Variants in CALD1 observed in about 807,000 individuals in gnomAD.
CALD1 encodes caldesmon.
Under a neutral mutation model 99.9 loss-of-function variants are expected in CALD1, and 33 were observed. The observed-to-expected ratio is 0.33, with a 90% CI of 0.25 to 0.44. The LOEUF (loss-of-function observed/expected upper bound fraction) is 0.44, where lower values mean the gene tolerates loss of function less well. Ranked by LOEUF, CALD1 falls within the 20% of genes least tolerant of loss-of-function variation. The pLI, the probability that CALD1 is intolerant of heterozygous loss-of-function variation, is 1.00. For missense variants in CALD1, 861 were observed against 962.1 expected (o/e 0.89, Z 1.39); for synonymous variants, 310 against 325.0 (o/e 0.95, Z 0.50).
intron 1 of CALD1, among the ~76,000 whole-genome samples, chr7:134,765,374 C>T (rs538024218): frequency 1.3e-5 from 2 of 151,422 alleles, no homozygotes; most frequent in Admixed American, 1.3e-4. Context: ...TTTGTTATCA[C>T]AAGAGCTAAT....
chr7:134,895,094 GAAATAAATAAATAAATAAAT>G (rs199802906), intron 3 of CALD1, among the ~76,000 whole-genome samples: 2 of 143,042 alleles, frequency 1.4e-5, no homozygotes, highest in African/African-American at 2.6e-5. Flanking sequence ...ACAGTGCTGG[GAAATAAATAAATAAATAAAT>G]AAATAAATAA....
intron 3 of CALD1, among the ~76,000 whole-genome samples, chr7:134,886,607 G>C (rs1645469929): frequency 6.6e-6 from 1 of 152,216 alleles, no homozygotes; most frequent in African/African-American, 2.4e-5. Context: ...ATATTAAAAG[G>C]ATGGAAAATA....
the CALD1 span, among the ~76,000 whole-genome samples, chr7:134,727,645 T>C: frequency 2.0e-5 from 3 of 152,206 alleles, no homozygotes; most frequent in Non-Finnish European, 4.4e-5. Flanking sequence ...TTGCACGGAT[T>C]AAAGCAGAGC....
chr7:134,965,302 T>G lies in CALD1; in HGVS notation c.2296-4T>G, dbSNP rs1280789045. 1 of 1,529,230 alleles carries G rather than the reference T, an allele frequency of 6.5e-7. No individual in the cohort carries two copies. Among genetic ancestry groups the G allele is most frequent in the Admixed American group, 1.7e-5 (1 of 59,890 alleles). The allele number at this position is 1,529,230 out of a possible 1,614,324, so 94.7% of individuals were successfully genotyped here. On this transcript the variant is annotated splice_region_variant and splice_polypyrimidine_tract_variant and intron_variant, in intron 13 of 14. Coordinates refer to ENST00000361675, the MANE Select transcript of CALD1 (RefSeq NM_033138.4). ...TCGATGTTTTTCTGCTTCCTTTTTATCAGGACTTGAGACCAGGAGACGTAT... is the reference window on the plus strand; with the variant it reads ...TCGATGTTTTTCTGCTTCCTTTTTAGCAGGACTTGAGACCAGGAGACGTAT...
chr7:134,784,855 G>A (rs748070795), intron 1 of CALD1, among the ~76,000 whole-genome samples: 11 of 152,142 alleles, frequency 7.2e-5, no homozygotes, highest in Non-Finnish European at 1.6e-4. Context: ...CTCAGCGCAC[G>A]TGTCTGCCTC....
intron 9 of CALD1, among the ~76,000 whole-genome samples, chr7:134,957,399 T>A (rs146017212): frequency 2.2e-3 from 324 of 149,934 alleles, no homozygotes; most frequent in Middle Eastern, 0.01. Context: ...TTTGAAAAAA[T>A]TATTTGTTTG....
chr7:134,712,830 G>A, the CALD1 span, among the ~76,000 whole-genome samples: 1 of 152,190 alleles, frequency 6.6e-6, no homozygotes, highest in Non-Finnish European at 1.5e-5. Context: ...GTGCCTTCGA[G>A]TGGGGTTTAC....
intron 5 of CALD1, 40 bp from the exon 6 acceptor site, chr7:134,935,648 C>A: frequency 6.3e-7 from 1 of 1,579,552 alleles, no homozygotes. Context: ...GAAAGGGCTT[C>A]TTTTACTTGT....
At chr7:134,756,715 A>C (rs1796733217) in intron 1 of CALD1, among the ~76,000 whole-genome samples, 1 of 152,192 alleles carries the variant, frequency 6.6e-6, no homozygotes, top group East Asian at 1.9e-4. Flanking sequence ...TTTCTTCCTG[A>C]ATATTATTAT....
chr7:134,741,375 A>G (rs531170929), upstream of CALD1, among the ~76,000 whole-genome samples: 5 of 152,274 alleles, frequency 3.3e-5, no homozygotes, highest in African/African-American at 1.2e-4. Context: ...AACCACCCCC[A>G]TTATTCAATT....
chr7:134,771,623 CTT>C (rs1048561016), intron 1 of CALD1, among the ~76,000 whole-genome samples: 12 of 149,958 alleles, frequency 8.0e-5, no homozygotes, highest in African/African-American at 2.9e-4. Flanking sequence ...AGACACAGTG[CTT>C]TTTTTTTTCC....
intron 3 of CALD1, among the ~76,000 whole-genome samples, chr7:134,874,330 G>A (rs1236635320): frequency 3.3e-5 from 5 of 151,594 alleles, no homozygotes; most frequent in South Asian, 2.1e-4. Flanking sequence ...GTAGGCACAC[G>A]CCACCACACC....
At chr7:134,959,854 TGGTGGAGG>T in intron 11 of CALD1, 112 bp from the exon 12 acceptor site, 1 of 962,022 alleles carries the variant, frequency 1.0e-6, no homozygotes, top group Admixed American at 2.5e-5. Context: ...CTCTCATTTT[TGGTGGAGG>T]TGTTTACACA....
intron 3 of CALD1, among the ~76,000 whole-genome samples, chr7:134,884,549 C>T (rs937374449): frequency 1.3e-5 from 2 of 151,092 alleles, no homozygotes; most frequent in African/African-American, 4.9e-5. Flanking sequence ...TCTTGTGCAT[C>T]TGTGAGTTCA....
intron 3 of CALD1, chr7:134,891,399 G>T: frequency 7.9e-7 from 1 of 1,270,462 alleles, no homozygotes; most frequent in Non-Finnish European, 9.9e-7. Flanking sequence ...TGTGAGGAGG[G>T]AACGGGTTGG....
the CALD1 span, among the ~76,000 whole-genome samples, chr7:134,731,174 C>T: frequency 3.3e-5 from 5 of 152,154 alleles, no homozygotes; most frequent in African/African-American, 1.2e-4. Context: ...TCCACACTCT[C>T]TCTCTCTTAC....
chr7:134,714,330 T>C, the CALD1 span, among the ~76,000 whole-genome samples: 10 of 152,168 alleles, frequency 6.6e-5, no homozygotes, highest in Non-Finnish European at 1.5e-4. Context: ...AACATGCAGA[T>C]CCATATTGTA....
chr7:134,897,895 G>A (rs1287972128), intron 3 of CALD1, among the ~76,000 whole-genome samples: 5 of 151,758 alleles, frequency 3.3e-5, no homozygotes, highest in Non-Finnish European at 7.4e-5. Flanking sequence ...TTTTTGTAGA[G>A]ATGGGGTCTC....
chr7:134,780,944 C>T (rs563527850), intron 1 of CALD1, among the ~76,000 whole-genome samples: 50 of 152,310 alleles, frequency 3.3e-4, no homozygotes, highest in Non-Finnish European at 6.3e-4. Context: ...ACTGATTCAA[C>T]TGGATTTTAT....
Sources: allele counts gnomAD v4.1 joint callset (sites outside exome capture counted in the v4.1 genomes callset), GRCh38; gene constraint gnomAD v4.1.1; transcripts MANE v1.5; gene names NCBI Gene and HGNC (gene_info 2026-07-23, HGNC 2026-07-21).